The following ATP8B1 variants were observed in gnomAD, a reference collection of about 807,000 sequenced individuals.
ATP8B1 encodes the protein phospholipid-transporting ATPase IC.
Under a neutral mutation model 149.9 loss-of-function variants are expected in ATP8B1, and 80 were observed. The ratio of observed to expected loss-of-function variants is 0.53; its 90% confidence interval spans 0.45 to 0.64. ATP8B1 has a LOEUF of 0.64. Ranked by LOEUF, ATP8B1 falls within the 30% of genes least tolerant of loss-of-function variation. ATP8B1 has a pLI of 0.00. For synonymous variants in ATP8B1, 536 were observed against 562.8 expected (o/e 0.95, Z 0.67); for missense variants, 1,247 against 1,552.6 (o/e 0.80, Z 3.31).
chr18:57,668,335 G>T, intron 19 of ATP8B1, 94 bp downstream of exon 19: 1 of 1,366,128 alleles, frequency 7.3e-7, no homozygotes, highest in Non-Finnish European at 1.0e-6. Flanking sequence ...GTTTGTACAG[G>T]ATGAAAAGTC....
At chr18:57,696,295 T>G (rs1912805425) in intron 8 of ATP8B1, among the ~76,000 whole-genome samples, 1 of 152,298 alleles carries the variant, frequency 6.6e-6, no homozygotes, top group East Asian at 1.9e-4. Flanking sequence ...GGCTCACGCA[T>G]GTAATGGCAG....
At chr18:57,668,126 A>G (rs981492975) in intron 19 of ATP8B1, 8 of 1,351,130 alleles carry the variant, frequency 5.9e-6, no homozygotes, top group Admixed American at 2.2e-5. Context: ...CAGAGGGACA[A>G]GAGGGATGGC....
At chr18:57,780,617 C>T (rs1194010392) in intron 1 of ATP8B1, among the ~76,000 whole-genome samples, 1 of 152,198 alleles carries the variant, frequency 6.6e-6, no homozygotes, top group Non-Finnish European at 1.5e-5. Context: ...TTCTACTAAA[C>T]GCTGGAGGGA....
chr18:57,677,799 G>A (rs372130569), intron 15 of ATP8B1, among the ~76,000 whole-genome samples: 61 of 152,088 alleles, frequency 4.0e-4, no homozygotes, highest in South Asian at 1.2e-3. Flanking sequence ...CTTTCCCTTC[G>A]GCAACTTAAG....
intron 1 of ATP8B1, among the ~76,000 whole-genome samples, chr18:57,756,660 T>TCA (rs1179385807): frequency 3.3e-5 from 5 of 151,630 alleles, no homozygotes; most frequent in Non-Finnish European, 5.9e-5. Flanking sequence ...TCCTTCTCTC[T>TCA]CTCTCTCTCT....
intron 2 of ATP8B1, among the ~76,000 whole-genome samples, chr18:57,729,549 CTTTTTT>C (rs71171074): frequency 1.3e-3 from 160 of 120,694 alleles, no homozygotes; most frequent in Admixed American, 1.9e-3. Flanking sequence ...TTCTTTCTTT[CTTTTTT>C]TTTTTTTTTT....
intron 1 of ATP8B1, among the ~76,000 whole-genome samples, chr18:57,732,640 G>C (rs1383007253): frequency 1.3e-5 from 2 of 151,922 alleles, no homozygotes; most frequent in Non-Finnish European, 2.9e-5. Context: ...TCGGCTCACT[G>C]TCACCTCCGC....
chr18:57,668,117 A>G, intron 19 of ATP8B1: 1 of 1,341,886 alleles, frequency 7.5e-7, no homozygotes, highest in South Asian at 1.2e-5. Flanking sequence ...CTGGAAGGAC[A>G]GAGGGACAAG....
intron 2 of ATP8B1, among the ~76,000 whole-genome samples, chr18:57,707,296 A>T (rs1913454659): frequency 6.6e-6 from 1 of 150,946 alleles, no homozygotes; most frequent in Non-Finnish European, 1.5e-5. Context: ...ACTCCATCTC[A>T]AAAAAACAAA....
chr18:57,696,953 AAGG>A (rs1407492134), intron 8 of ATP8B1, among the ~76,000 whole-genome samples: 2 of 152,134 alleles, frequency 1.3e-5, no homozygotes, highest in Admixed American at 1.3e-4. Context: ...AAACCAACAC[AAGG>A]AGAATTCAAA....
At position 57,674,942 on chromosome 18, in the gene ATP8B1, C is replaced by A; in HGVS notation, c.1711G>T (p.Ala571Ser). The A allele has an allele frequency of 2.5e-6, 4 of 1,614,190 alleles. No homozygotes were observed. Among genetic ancestry groups the A allele is most frequent in the Non-Finnish European group, 3.4e-6 (4 of 1,180,032 alleles). ...AARNFGFAFL[A>S]RTQNTITISE... ...ATGGTGATGGTGTTCTGGGTCCTGG[C>A]GAGGAAGGCAAAGCCAAAGTTCCTG... Residue 571 changes from alanine (A) to serine (S), a missense_variant, in exon 16 of 28, where the codon GCC becomes TCC. Transcript: ENST00000648908.
chr18:57,799,032 G>A (rs553659676), intron 1 of ATP8B1, among the ~76,000 whole-genome samples: 95 of 152,300 alleles, frequency 6.2e-4, no homozygotes, highest in African/African-American at 2.1e-3. Context: ...ATGTATTAAC[G>A]ACTACCTTTT....
intron 1 of ATP8B1, chr18:57,736,990 TA>T (rs1444299090): frequency 6.6e-6 from 1 of 152,218 alleles, no homozygotes; most frequent in Non-Finnish European, 1.5e-5. Context: ...TATATGTACA[TA>T]AAATTTACCA....
At chr18:57,783,525 A>C (rs1055923182) in intron 1 of ATP8B1, among the ~76,000 whole-genome samples, 2 of 152,110 alleles carry the variant, frequency 1.3e-5, no homozygotes, top group African/African-American at 4.8e-5. Context: ...TGATATTCAC[A>C]AGAAGAGACA....
intron 1 of ATP8B1, among the ~76,000 whole-genome samples, chr18:57,732,197 G>A (rs867981635): frequency 0.01 from 375 of 36,748 alleles, 2 homozygotes; most frequent in Middle Eastern, 0.026. Flanking sequence ...ATGTATATAT[G>A]TGTATATATG....
chr18:57,742,888 A>G (rs2123218827), intron 1 of ATP8B1, among the ~76,000 whole-genome samples: 1 of 152,102 alleles, frequency 6.6e-6, no homozygotes, highest in East Asian at 1.9e-4. Context: ...CAATGCGGTC[A>G]TTAGAAAAGG....
chr18:57,662,761 A>T, intron 20 of ATP8B1, 146 bp from the exon 21 acceptor site: 1 of 962,390 alleles, frequency 1.0e-6, no homozygotes, highest in Non-Finnish European at 1.5e-6. Context: ...TATTTTCATT[A>T]TAATTTTTTT....
intron 2 of ATP8B1, among the ~76,000 whole-genome samples, chr18:57,713,746 T>A (rs909289516): frequency 3.3e-5 from 5 of 152,128 alleles, no homozygotes; most frequent in African/African-American, 1.2e-4. Flanking sequence ...CACCTTGACC[T>A]CCCAACATGC....
chr18:57,727,259 G>A (rs146912387), intron 2 of ATP8B1, among the ~76,000 whole-genome samples: 85 of 152,198 alleles, frequency 5.6e-4, no homozygotes, highest in African/African-American at 2.0e-3. Flanking sequence ...CAACCGATCA[G>A]AGAAAGAAAG....
Sources: allele counts gnomAD v4.1 joint callset (sites outside exome capture counted in the v4.1 genomes callset), GRCh38; gene constraint gnomAD v4.1.1; transcripts MANE v1.5; gene names NCBI Gene and HGNC (gene_info 2026-07-23, HGNC 2026-07-21).